The following HSPA12A variants were observed in gnomAD, a reference collection of about 807,000 sequenced individuals.
HSPA12A encodes heat shock 70 kDa protein 12A.
In HSPA12A, 28 loss-of-function variants were observed where a neutral mutation model predicts 69.2. The ratio of observed to expected loss-of-function variants is 0.40; its 90% CI spans 0.30 to 0.55. HSPA12A has a LOEUF of 0.55. HSPA12A is among the 20% of genes least tolerant of loss of function. The pLI is 0.38. For missense variants in HSPA12A, 686 were observed against 900.7 expected, an observed-to-expected ratio of 0.76 and a Z score of 3.05; for synonymous variants, 345 against 370.5, an observed-to-expected ratio of 0.93 and a Z score of 0.79.
chr10:116,807,010 G>A (rs1264084932), intron 2 of HSPA12A, among the ~76,000 whole-genome samples: 1 of 152,222 alleles, frequency 6.6e-6, no homozygotes, highest in Non-Finnish European at 1.5e-5. Context: ...GTGATGTGAA[G>A]ACAGAGGTGG....
chr10:116,681,466 C>T (rs542778219), intron 8 of HSPA12A, among the ~76,000 whole-genome samples: 18 of 152,306 alleles, frequency 1.2e-4, no homozygotes, highest in Non-Finnish European at 2.2e-4. Context: ...CGATGGAGAA[C>T]CCAGGTGAGT....
intron 1 of HSPA12A, among the ~76,000 whole-genome samples, chr10:116,735,613 T>A (rs1468332718): frequency 6.6e-6 from 1 of 152,122 alleles, no homozygotes; most frequent in Admixed American, 6.5e-5. Flanking sequence ...AGTTGAGCCA[T>A]CAGAGTGTTG....
intron 2 of HSPA12A, among the ~76,000 whole-genome samples, chr10:116,774,211 G>A (rs7087521): frequency 0.39 from 59,477 of 151,710 alleles, 12,489 homozygotes; most frequent in Non-Finnish European, 0.45. Flanking sequence ...GGGTTTCACC[G>A]TTTTAGCCGG....
At chr10:116,849,701 C>T (rs1314849523) in exon 1 of HSPA12A, 1 of 1,540,278 alleles carries the variant, frequency 6.5e-7, no homozygotes, top group Admixed American at 2.0e-5. Context: ...CCACCTTCTA[C>T]CTCCAGCCTG....
chr10:116,678,731 T>C (rs1589619733), intron 10 of HSPA12A, among the ~76,000 whole-genome samples: 2 of 152,266 alleles, frequency 1.3e-5, no homozygotes, highest in Admixed American at 1.3e-4. Flanking sequence ...CATACTGAAA[T>C]AGATGAGATG....
chr10:116,821,991 T>C (rs1845415340), intron 2 of HSPA12A, among the ~76,000 whole-genome samples: 1 of 152,268 alleles, frequency 6.6e-6, no homozygotes, highest in South Asian at 2.1e-4. Flanking sequence ...AAACCACAAA[T>C]GTGATTTAAA....
intron 2 of HSPA12A, among the ~76,000 whole-genome samples, chr10:116,825,147 A>G (rs1473935075): frequency 1.3e-5 from 2 of 149,856 alleles, no homozygotes; most frequent in African/African-American, 4.9e-5. Context: ...TGATTGCACC[A>G]CTCTACTCTA....
At chr10:116,749,438 C>T (rs759016223) in intron 2 of HSPA12A, among the ~76,000 whole-genome samples, 9 of 152,120 alleles carry the variant, frequency 5.9e-5, no homozygotes, top group African/African-American at 1.4e-4. Flanking sequence ...AACTGAGGCC[C>T]GGAGATCAGG....
intron 2 of HSPA12A, among the ~76,000 whole-genome samples, chr10:116,822,104 A>G (rs1051573043): frequency 6.6e-6 from 1 of 152,254 alleles, no homozygotes; most frequent in Non-Finnish European, 1.5e-5. Flanking sequence ...TAAGTAGTAC[A>G]CTTGGGTTTA....
Position 116,700,990 on chromosome 10 carries a change from G to A in HSPA12A, c.394C>T (p.Gln132Ter). 6.2e-7 allele frequency: 1 copy of A among 1,614,050 alleles called. No individual in the cohort carries two copies. The highest frequency in any genetic ancestry group is 8.5e-7 in the Non-Finnish European group (1 of 1,180,030). ...YHDLDPNEAK[Q>*]WLYLEKFKMK... ...TTGAACTTCTCCAGGTACAGCCACT[G>A]CTTGGCCTCATTGGGATCCAGGTCA... The change falls in exon 4 of 12, where the codon CAG (glutamine) becomes TAG (stop). Residue 132 changes from glutamine to a stop codon, truncating the protein, a stop_gained. Coordinates refer to ENST00000369209, the MANE Select transcript of HSPA12A (RefSeq NM_025015.3). LOFTEE classifies it high-confidence loss of function.
upstream of HSPA12A, among the ~76,000 whole-genome samples, chr10:116,743,009 G>A (rs143068118): frequency 1.8e-3 from 271 of 152,220 alleles, 1 homozygote; most frequent in African/African-American, 6.1e-3. Flanking sequence ...TGTCCCCCAG[G>A]GTCCCAGGGG....
chr10:116,692,131 G>C (rs1416837938), intron 6 of HSPA12A, among the ~76,000 whole-genome samples: 1 of 152,226 alleles, frequency 6.6e-6, no homozygotes, highest in Non-Finnish European at 1.5e-5. Context: ...ACCGAACCCA[G>C]CTCTTGTTGT....
At chr10:116,777,569 A>C (rs1007262874) in intron 2 of HSPA12A, among the ~76,000 whole-genome samples, 44 of 151,998 alleles carry the variant, frequency 2.9e-4, no homozygotes, top group Non-Finnish European at 1.8e-4. Context: ...ACATATCCCC[A>C]CCATGGCTGA....
chr10:116,687,356 T>A (rs1849604116), intron 6 of HSPA12A, among the ~76,000 whole-genome samples: 1 of 152,184 alleles, frequency 6.6e-6, no homozygotes, highest in African/African-American at 2.4e-5. Context: ...CCAGGCAGTG[T>A]CTGGGAGGCC....
At chr10:116,791,776 A>T (rs1589708916) in intron 2 of HSPA12A, among the ~76,000 whole-genome samples, 1 of 151,400 alleles carries the variant, frequency 6.6e-6, no homozygotes, top group Non-Finnish European at 1.5e-5. Flanking sequence ...CCCTGCCAGC[A>T]CCCCCGAGTT....
chr10:116,776,056 A>G (rs1306483115), intron 2 of HSPA12A, among the ~76,000 whole-genome samples: 2 of 152,118 alleles, frequency 1.3e-5, no homozygotes, highest in African/African-American at 2.4e-5. Flanking sequence ...GACCCATCCC[A>G]TTGGTCTCTG....
Position 116,847,781 on chromosome 10 carries a change from G to T in HSPA12A, c.3+1785C>A, listed in dbSNP as rs774996197. ...TGTCCTCCTGGAACTGAGGCAAATG[G>T]GTTATAGGGTTATAGGGGGAGACTC... On this transcript the variant is annotated intron_variant, in intron 1 of 12. Coordinates refer to the HSPA12A transcript ENST00000635765. Among the ~76,000 whole-genome samples the T allele has an allele frequency of 5.9e-5, 9 of 152,176 alleles. No individual in the cohort carries two copies. The South Asian group carries it at 1.0e-3, about 18-fold the overall frequency.
At chr10:116,749,050 G>A (rs1851713751) in intron 2 of HSPA12A, among the ~76,000 whole-genome samples, 1 of 152,048 alleles carries the variant, frequency 6.6e-6, no homozygotes, top group Non-Finnish European at 1.5e-5. Flanking sequence ...GATTCACCTT[G>A]AAGGGCAGCT....
At chr10:116,726,055 A>ACACACACACAC (rs1554884972) in intron 1 of HSPA12A, among the ~76,000 whole-genome samples, 3 of 143,308 alleles carry the variant, frequency 2.1e-5, no homozygotes, top group African/African-American at 5.8e-5. Flanking sequence ...ACACACACAC[A>ACACACACACAC]ACAGGCCAAG....
Sources: gnomAD v4.1 joint callset for allele counts (sites outside exome capture counted in the v4.1 genomes callset) on GRCh38, gnomAD v4.1.1 for gene constraint, MANE v1.5 for transcripts, NCBI Gene and HGNC (gene_info 2026-07-23, HGNC 2026-07-21) for gene names.